The following PTPN20 variants were observed in gnomAD, a reference collection of about 807,000 sequenced individuals.
PTPN20 encodes the protein tyrosine-protein phosphatase non-receptor type 20.
PTPN20 carries 9 observed loss-of-function variants against 35.0 expected under a neutral mutation model. The observed-to-expected ratio is 0.26, with a 90% CI of 0.15 to 0.45. PTPN20 has a LOEUF of 0.45. PTPN20 is among the 20% of genes least tolerant of loss of function. The pLI, the probability that PTPN20 is intolerant of heterozygous loss-of-function variation, is 1.00. For synonymous variants in PTPN20, 32 were observed against 100.2 expected, an observed-to-expected ratio of 0.32 and a Z score of 4.06; for missense variants, 111 against 312.5, an observed-to-expected ratio of 0.36 and a Z score of 4.86.
At chr10:46,950,673 T>C (rs1299260447) in intron 5 of PTPN20, among the ~76,000 whole-genome samples, 1 of 151,988 alleles carries the variant, frequency 6.6e-6, no homozygotes, top group African/African-American at 2.4e-5. Flanking sequence ...TAATGTATGC[T>C]AATATTTTAG....
downstream of PTPN20, among the ~76,000 whole-genome samples, chr10:47,002,900 T>C (rs2060131242): frequency 1.3e-5 from 2 of 152,006 alleles, no homozygotes; most frequent in Non-Finnish European, 2.9e-5. Context: ...TCAAAAGTTA[T>C]TTTAGTGATT....
chr10:46,948,751 G>A (rs1387413007), intron 5 of PTPN20, among the ~76,000 whole-genome samples: 3 of 151,846 alleles, frequency 2.0e-5, no homozygotes, highest in Admixed American at 6.6e-5. Context: ...TGGTGCTTGC[G>A]TGCCTGGGGA....
At chr10:46,949,022 G>A (rs1326229378) in intron 5 of PTPN20, among the ~76,000 whole-genome samples, 2 of 150,960 alleles carry the variant, frequency 1.3e-5, no homozygotes, top group South Asian at 4.3e-4. Context: ...GGAATAGATG[G>A]ATTTTGTTTG....
intron 1 of PTPN20, among the ~76,000 whole-genome samples, chr10:46,928,205 G>A (rs2038288523): frequency 6.6e-6 from 1 of 152,124 alleles, no homozygotes; most frequent in Admixed American, 6.5e-5. Flanking sequence ...GGAACCTTGA[G>A]TCTTCCATTA....
chr10:46,947,842 A>G (rs2045434406), intron 5 of PTPN20: 1 of 429,178 alleles, frequency 2.3e-6, no homozygotes, highest in Non-Finnish European at 4.6e-6. Context: ...ATTGAATAGT[A>G]TTCCATTCAC....
In PTPN20 at chr10:46,940,664, A is replaced by C. The variant is rs2043186703; in HGVS notation, c.76A>C (p.Asn26His). The C allele has an allele frequency of 6.2e-7, 1 of 1,611,276 alleles. No homozygotes were observed. Among genetic ancestry groups the C allele is most frequent in the Non-Finnish European group, 8.5e-7 (1 of 1,179,780 alleles). The change falls in exon 3 of 11, where the codon AAT becomes CAT. Residue 26 changes from asparagine to histidine, a missense_variant. By Grantham distance (68) the Asn-to-His change is moderately conservative. Transcript: ENST00000374339. ...AAATGACTCTGAAGCAGAAGACTTG[A>C]ATTTCAGGGAGACTTTGCCTTCATC... ...EGNDSEAEDLNFRETLPSSSQ... is the reference protein window; with the variant it reads ...EGNDSEAEDLHFRETLPSSSQ...
chr10:47,003,461 A>G (rs1420733574), downstream of PTPN20, among the ~76,000 whole-genome samples: 7 of 152,114 alleles, frequency 4.6e-5, no homozygotes, highest in Non-Finnish European at 8.8e-5. Context: ...TCACATAGAA[A>G]TAATAGACTC....
At chr10:46,938,993 A>G (rs1320214030) in intron 2 of PTPN20, among the ~76,000 whole-genome samples, 2 of 152,052 alleles carry the variant, frequency 1.3e-5, no homozygotes, top group Non-Finnish European at 2.9e-5. Context: ...ATTGGCCTGT[A>G]AGTCGCCTTC....
chr10:46,974,841 A>AT (rs2053030086), intron 7 of PTPN20, among the ~76,000 whole-genome samples: 1 of 137,370 alleles, frequency 7.3e-6, no homozygotes, highest in Non-Finnish European at 1.5e-5. Flanking sequence ...TTCATGAGTG[A>AT]TTTGTCTCCA....
At chr10:46,994,729 A>G (rs1178082898) in intron 9 of PTPN20, among the ~76,000 whole-genome samples, 1 of 152,260 alleles carries the variant, frequency 6.6e-6, no homozygotes, top group Non-Finnish European at 1.5e-5. Flanking sequence ...GCTCTTGTTC[A>G]ACTCCCTCTT....
chr10:46,998,632 T>C (rs1254618118), intron 9 of PTPN20, among the ~76,000 whole-genome samples: 2 of 133,734 alleles, frequency 1.5e-5, no homozygotes, highest in African/African-American at 5.2e-5. Flanking sequence ...CATGCACACA[T>C]ACACACTCTC....
intron 5 of PTPN20, among the ~76,000 whole-genome samples, chr10:46,953,316 T>C (rs1245007888): frequency 6.8e-6 from 1 of 147,384 alleles, no homozygotes; most frequent in Non-Finnish European, 1.5e-5. Flanking sequence ...ACTTTTCCAA[T>C]GTATATGCCT....
intron 1 of PTPN20, among the ~76,000 whole-genome samples, chr10:46,928,631 A>G (rs2038523797): frequency 6.6e-6 from 1 of 151,622 alleles, no homozygotes. Context: ...TTAAGAAACC[A>G]CGGAATGACA....
rs2059984048 is a variant in PTPN20, at chr10:47,001,078, T to G, written c.*337T>G. 9.2e-6 allele frequency: 3 copies of G among 325,116 alleles called. No homozygotes were observed. In the South Asian group the frequency reaches 1.0e-4, roughly 11 times the overall value. The allele number at this position is 325,116 out of a possible 1,614,324, so 20.1% of individuals were successfully genotyped here. A position where few individuals can be genotyped will look rare whatever the true frequency, so the allele number is the denominator to read the frequency against. Reference sequence around the variant, plus strand: ...AAAATATATTCATTAAGATTTTATTTGGAAAGGTGGCTGGAGAGAGCTGAG... The same window carrying G: ...AAAATATATTCATTAAGATTTTATTGGGAAAGGTGGCTGGAGAGAGCTGAG... On this transcript the variant is annotated 3_prime_UTR_variant, in exon 11 of 11. Transcript: ENST00000374339.
intron 9 of PTPN20, among the ~76,000 whole-genome samples, chr10:46,996,236 A>C (rs1230181380): frequency 6.6e-6 from 1 of 152,234 alleles, no homozygotes; most frequent in Non-Finnish European, 1.5e-5. Context: ...TATATGAGGA[A>C]TCATAACTCC....
intron 9 of PTPN20, among the ~76,000 whole-genome samples, chr10:46,993,457 G>A (rs2058396224): frequency 6.6e-6 from 1 of 152,176 alleles, no homozygotes; most frequent in Non-Finnish European, 1.5e-5. Context: ...GTAGGTCAGG[G>A]GTGTGAGATC....
In PTPN20 at chr10:46,920,575, T is replaced by G. The variant is rs1261774035; in HGVS notation, c.-124+9074T>G. On this transcript the variant is annotated intron_variant, in intron 1 of 10. Transcript: ENST00000374339. ...GGGGGCAGGGTTCAGGGGATGAAGC[T>G]CCCCAGAGTTTCTATGTTTTGTGTT... Among the ~76,000 whole-genome samples, 48 of 145,522 alleles carry G rather than the reference T, an allele frequency of 3.3e-4. 1 individual carries two copies. The highest frequency in any genetic ancestry group is 1.1e-3 in the African/African-American group (40 of 37,364).
Position 46,984,397 on chromosome 10 carries a change from A to G in PTPN20, c.751A>G (p.Ile251Val). ...GGTGTTGGAAAATAATTCAAATGTT[A>G]TTGCCATGATAACCAGAGAGATAGA... ...QMVLENNSNV[I>V]AMITREIEGG... The change falls in exon 8 of 11, where the codon ATT becomes GTT. Residue 251 changes from isoleucine to valine, a missense_variant. Coordinates refer to ENST00000374339, the MANE Select transcript of PTPN20 (RefSeq NM_001042357.5). 6.2e-7 allele frequency: 1 copy of G among 1,611,886 alleles called. No individual in the cohort carries two copies. Among genetic ancestry groups the G allele is most frequent in the Non-Finnish European group, 8.5e-7 (1 of 1,179,822 alleles).
chr10:46,953,430 A>G (rs1422523111), intron 5 of PTPN20, among the ~76,000 whole-genome samples: 10 of 125,854 alleles, frequency 7.9e-5, no homozygotes, highest in Admixed American at 2.6e-4. Flanking sequence ...TGCATTCGCT[A>G]GGACTTTTGG....
Sources: allele counts gnomAD v4.1 joint callset (sites outside exome capture counted in the v4.1 genomes callset), GRCh38; gene constraint gnomAD v4.1.1; transcripts MANE v1.5; gene names NCBI Gene and HGNC (gene_info 2026-07-23, HGNC 2026-07-21).